Variants in NAALADL2 observed in about 807,000 individuals in gnomAD.
The protein encoded by NAALADL2 is N-acetylated alpha-linked acidic dipeptidase like 2, also known as inactive N-acetylated-alpha-linked acidic dipeptidase-like protein 2.
NAALADL2 carries 76 observed loss-of-function variants against 87.2 expected under a neutral mutation model. That is an observed-to-expected ratio of 0.87 (90% confidence interval 0.72 to 1.05). NAALADL2 has a LOEUF of 1.05. Ranked by LOEUF, NAALADL2 falls within the 50% of genes least tolerant of loss-of-function variation. The pLI is 0.00. For missense variants in NAALADL2, 1,089 were observed against 945.8 expected, an observed-to-expected ratio of 1.15 and a Z score of -1.99; for synonymous variants, 354 against 331.0, an observed-to-expected ratio of 1.07 and a Z score of -0.75.
chr3:174,588,233 G>T (rs1578238627), intron 2 of NAALADL2, among the ~76,000 whole-genome samples: 1 of 152,058 alleles, frequency 6.6e-6, no homozygotes, highest in Non-Finnish European at 1.5e-5. Flanking sequence ...AGGTCATTAA[G>T]GTGTTCTCTA....
intron 2 of NAALADL2, among the ~76,000 whole-genome samples, chr3:175,176,116 A>G (rs941645910): frequency 1.3e-5 from 2 of 152,132 alleles, no homozygotes; most frequent in Admixed American, 6.6e-5. Flanking sequence ...AATGATTTTT[A>G]TATTTGCATG....
At chr3:175,572,024 A>G (rs9877693) in intron 9 of NAALADL2, among the ~76,000 whole-genome samples, 27,093 of 152,036 alleles carry the variant, frequency 0.18, 2,737 homozygotes, top group African/African-American at 0.25. Context: ...AGGAGAAAAG[A>G]TTGTGTGTGG....
At chr3:174,606,070 G>T (rs1476096392) in intron 2 of NAALADL2, among the ~76,000 whole-genome samples, 1 of 152,200 alleles carries the variant, frequency 6.6e-6, no homozygotes, top group Non-Finnish European at 1.5e-5. Context: ...GGTCTGGAGT[G>T]GACCTCTAGC....
At chr3:174,966,543 T>A (rs1742900813) in intron 1 of NAALADL2, among the ~76,000 whole-genome samples, 1 of 152,098 alleles carries the variant, frequency 6.6e-6, no homozygotes, top group African/African-American at 2.4e-5. Context: ...TTGACTTCGA[T>A]GTAAGGATAA....
intron 2 of NAALADL2, among the ~76,000 whole-genome samples, chr3:174,666,164 C>T (rs626368): frequency 0.65 from 98,054 of 151,994 alleles, 32,290 homozygotes; most frequent in Admixed American, 0.73. Flanking sequence ...TCTGGATATA[C>T]TTACCATAGA....
At position 175,808,067 on chromosome 3, in the gene NAALADL2, T is replaced by C. The variant is rs1754864305; in HGVS notation, c.*4864T>C. On this transcript the variant is annotated 3_prime_UTR_variant, in exon 14 of 14. Coordinates refer to ENST00000454872, the MANE Select transcript of NAALADL2 (RefSeq NM_207015.3). ...TAATTTTAAGATCTATCAGTCTCAA[T>C]TTAAATGATCTGTTAATCAGCCAGA... The C allele has an allele frequency of 1.3e-5, 2 of 151,952 alleles. No homozygotes were observed. The highest frequency in any genetic ancestry group is 6.6e-5 in the Admixed American group (1 of 15,206). The allele number at this position is 151,952 out of a possible 1,614,324, so 9.4% of individuals were successfully genotyped here. A position where few individuals can be genotyped will look rare whatever the true frequency, so the allele number is the denominator to read the frequency against.
At chr3:174,706,449 G>A (rs1026497036) in intron 2 of NAALADL2, among the ~76,000 whole-genome samples, 1 of 152,146 alleles carries the variant, frequency 6.6e-6, no homozygotes, top group Non-Finnish European at 1.5e-5. Flanking sequence ...AGAAAGAATA[G>A]ATACATTGTA....
intron 3 of NAALADL2, among the ~76,000 whole-genome samples, chr3:175,238,094 T>A (rs1032725461): frequency 4.6e-5 from 7 of 152,152 alleles, no homozygotes; most frequent in African/African-American, 1.7e-4. Flanking sequence ...TAACCATATC[T>A]CTGAGAGTTT....
intron 2 of NAALADL2, among the ~76,000 whole-genome samples, chr3:174,651,302 A>C (rs997006733): frequency 6.6e-6 from 1 of 152,176 alleles, no homozygotes; most frequent in African/African-American, 2.4e-5. Context: ...TGGCTTTTAG[A>C]AAGTTAACAA....
intron 12 of NAALADL2, among the ~76,000 whole-genome samples, chr3:175,753,098 C>T (rs1210330936): frequency 1.3e-5 from 2 of 152,062 alleles, no homozygotes; most frequent in Non-Finnish European, 2.9e-5. Context: ...TGAAATCAAA[C>T]AAGATAATTA....
intron 2 of NAALADL2, among the ~76,000 whole-genome samples, chr3:174,702,511 T>A (rs1351919441): frequency 2.6e-5 from 4 of 152,300 alleles, no homozygotes; most frequent in Admixed American, 2.0e-4. Context: ...CGTCACTTAA[T>A]GATTGGGATA....
intron 1 of NAALADL2, among the ~76,000 whole-genome samples, chr3:174,918,919 G>A (rs528528269): frequency 8.6e-5 from 13 of 151,276 alleles, no homozygotes; most frequent in Non-Finnish European, 1.5e-4. Flanking sequence ...TGTTCAGATC[G>A]GGACCACTAG....
chr3:175,254,513 G>A (rs1282960226), intron 3 of NAALADL2, among the ~76,000 whole-genome samples: 2 of 152,106 alleles, frequency 1.3e-5, no homozygotes, highest in Non-Finnish European at 2.9e-5. Context: ...ATGTATGCCT[G>A]TATACACAAT....
intron 3 of NAALADL2, among the ~76,000 whole-genome samples, chr3:174,777,639 A>C (rs1166770943): frequency 6.6e-6 from 1 of 152,158 alleles, no homozygotes; most frequent in Admixed American, 6.6e-5. Context: ...CAGTGGGAAC[A>C]CACTAACATG....
At chr3:174,746,622 A>G (rs1025721782) in intron 3 of NAALADL2, among the ~76,000 whole-genome samples, 1 of 152,194 alleles carries the variant, frequency 6.6e-6, no homozygotes, top group African/African-American at 2.4e-5. Context: ...TGATATAGCT[A>G]AGACAATCCT....
intron 5 of NAALADL2, among the ~76,000 whole-genome samples, chr3:175,347,183 A>T (rs975240517): frequency 3.3e-5 from 5 of 152,178 alleles, no homozygotes; most frequent in African/African-American, 1.2e-4. Context: ...ATTAATTTTC[A>T]GTTTTCAACT....
At chr3:174,688,308 TAAAGCAGTTACCTG>T (rs1728231532) in intron 2 of NAALADL2, among the ~76,000 whole-genome samples, 1 of 152,094 alleles carries the variant, frequency 6.6e-6, no homozygotes. Flanking sequence ...TTTAATAACA[TAAAGCAGTTACCTG>T]ATATACAAGT....
chr3:174,504,717 T>G (rs1419773577), intron 1 of NAALADL2, among the ~76,000 whole-genome samples: 1 of 152,124 alleles, frequency 6.6e-6, no homozygotes, highest in Admixed American at 6.5e-5. Context: ...TAGATACATG[T>G]CACCAGACCT....
chr3:175,442,242 G>T (rs538094716), intron 5 of NAALADL2, among the ~76,000 whole-genome samples: 1 of 151,976 alleles, frequency 6.6e-6, no homozygotes, highest in Non-Finnish European at 1.5e-5. Context: ...ACCACGCCTG[G>T]CCAACACTGA....
Sources: allele counts gnomAD v4.1 joint callset (sites outside exome capture counted in the v4.1 genomes callset), GRCh38; gene constraint gnomAD v4.1.1; transcripts MANE v1.5; gene names NCBI Gene and HGNC (gene_info 2026-07-23, HGNC 2026-07-21).